The following CCDC90B variants were observed in gnomAD, a reference collection of about 807,000 sequenced individuals.
CCDC90B encodes the protein coiled-coil domain-containing protein 90B, mitochondrial.
In CCDC90B, 24 loss-of-function variants were observed where a neutral mutation model predicts 37.0. The observed-to-expected ratio is 0.65, with a 90% CI of 0.47 to 0.91. CCDC90B has a LOEUF of 0.91. Ranked by LOEUF, CCDC90B falls within the 40% of genes least tolerant of loss-of-function variation. CCDC90B has a pLI of 0.00. For missense variants in CCDC90B, 319 were observed against 299.0 expected, an observed-to-expected ratio of 1.07 and a Z score of -0.49; for synonymous variants, 113 against 101.1, an observed-to-expected ratio of 1.12 and a Z score of -0.71.
intron 1 of CCDC90B, among the ~76,000 whole-genome samples, chr11:83,284,201 CAA>C (rs1865551987): frequency 6.6e-6 from 1 of 152,106 alleles, no homozygotes; most frequent in Non-Finnish European, 1.5e-5. Context: ...GATACAAACT[CAA>C]GAGTTTAAAG....
Position 83,261,428 on chromosome 11 carries a change from G to A in CCDC90B, c.*483C>T, listed in dbSNP as rs1863920287. 1 of 152,098 alleles carries A rather than the reference G, an allele frequency of 6.6e-6. No homozygotes were observed. Among genetic ancestry groups the A allele is most frequent in the Admixed American group, 6.5e-5 (1 of 15,274 alleles). 9.4% of individuals were successfully genotyped at this position (152,098 alleles called of 1,614,324 possible). A position where few individuals can be genotyped will look rare whatever the true frequency, so the allele number is the denominator to read the frequency against. ...AAAAGAAATCAATCTCCAACTATAT[G>A]GTAAGTCACTTTGAAAACCCACACA... On this transcript the variant is annotated 3_prime_UTR_variant, in exon 9 of 9. Transcript: ENST00000529689.
At position 83,274,674 on chromosome 11, in the gene CCDC90B, T is replaced by C; in HGVS notation, c.391A>G (p.Lys131Glu). 6.2e-7 allele frequency: 1 copy of C among 1,609,852 alleles called. No individual in the cohort carries two copies. Among genetic ancestry groups the C allele is most frequent in the Non-Finnish European group, 8.5e-7 (1 of 1,177,878 alleles). Reference protein sequence around the residue: ...AIRKDMVILEKSEFANLRAEN... With the variant: ...AIRKDMVILEESEFANLRAEN... ...GCTCTCAGATTTGCAAATTCACTTT[T>C]CTCTAGGATGACCATGTCTTTCCTG... Residue 131 changes from lysine to glutamate, a missense_variant, in exon 4 of 9, where the codon AAA becomes GAA. Coordinates refer to ENST00000529689, the MANE Select transcript of CCDC90B (RefSeq NM_021825.5).
At position 83,260,433 on chromosome 11, in the gene CCDC90B, C is replaced by G. The variant is rs1429905042; in HGVS notation, c.*1478G>C. 1 of 152,152 alleles carries G rather than the reference C, an allele frequency of 6.6e-6. No homozygotes were observed. The highest frequency in any genetic ancestry group is 2.4e-5 in the African/African-American group (1 of 41,442). 9.4% of individuals were successfully genotyped at this position (152,152 alleles called of 1,614,324 possible). ...TAATCTATAATATACTAAGAACTCTCTTAGGCAATAGAGATAAAAATGAAT... is the reference window on the plus strand; with the variant it reads ...TAATCTATAATATACTAAGAACTCTGTTAGGCAATAGAGATAAAAATGAAT... On this transcript the variant is annotated 3_prime_UTR_variant, in exon 9 of 9. Transcript: ENST00000529689.
intron 3 of CCDC90B, among the ~76,000 whole-genome samples, chr11:83,275,598 A>G (rs1864977234): frequency 1.3e-5 from 2 of 152,232 alleles, no homozygotes; most frequent in Middle Eastern, 3.4e-3. Context: ...AACCTGTAGC[A>G]CTAAACTTCT....
intron 2 of CCDC90B, among the ~76,000 whole-genome samples, chr11:83,279,873 C>T (rs1384965830): frequency 2.0e-5 from 3 of 151,778 alleles, no homozygotes; most frequent in African/African-American, 7.3e-5. Context: ...TTTAGTTTAA[C>T]CTAGAAACTC....
At position 83,280,249 on chromosome 11, in the gene CCDC90B, T is replaced by C; in HGVS notation, c.112A>G (p.Thr38Ala). The C allele has an allele frequency of 1.2e-6, 2 of 1,612,816 alleles. No homozygotes were observed. The highest frequency in any genetic ancestry group is 8.5e-7 in the Non-Finnish European group (1 of 1,179,470). ...CTATCATATCCCTCCTTGGTTGTGG[T>C]AGTGAAGAACTCTGAAAGAGAAGAC... ...SPALRREFFT[T>A]TTKEGYDRRP... The change falls in exon 2 of 9, where the codon ACC becomes GCC. Residue 38 changes from threonine (T) to alanine (A), a missense_variant. Coordinates refer to ENST00000529689, the MANE Select transcript of CCDC90B (RefSeq NM_021825.5).
chr11:83,272,247 TAAAAA>T, intron 7 of CCDC90B, among the ~76,000 whole-genome samples: 1 of 152,168 alleles, frequency 6.6e-6, no homozygotes, highest in African/African-American at 2.4e-5. Flanking sequence ...CTTAAAGTAT[TAAAAA>T]AAATTTTTTT....
intron 1 of CCDC90B, among the ~76,000 whole-genome samples, chr11:83,282,823 T>A (rs1591065184): frequency 6.6e-6 from 1 of 152,220 alleles, no homozygotes; most frequent in African/African-American, 2.4e-5. Flanking sequence ...AACCCTCTCA[T>A]AATTTACACA....
At chr11:83,272,833 C>G (rs147112499) in intron 7 of CCDC90B, among the ~76,000 whole-genome samples, 1 of 152,136 alleles carries the variant, frequency 6.6e-6, no homozygotes, top group Non-Finnish European at 1.5e-5. Flanking sequence ...AGTCAGAAAG[C>G]TGGGTTTTAC....
chr11:83,279,487 T>C (rs985159853), intron 2 of CCDC90B, among the ~76,000 whole-genome samples: 4 of 152,162 alleles, frequency 2.6e-5, no homozygotes, highest in African/African-American at 7.2e-5. Context: ...ACATATACTT[T>C]TTGTTATTTA....
At position 83,273,933 on chromosome 11, in the gene CCDC90B, G is replaced by A. The variant is rs973506928; in HGVS notation, c.468+18C>T. The A allele has an allele frequency of 9.5e-6, 15 of 1,579,408 alleles. No homozygotes were observed. The highest frequency in any genetic ancestry group is 1.7e-4 in the Middle Eastern group (1 of 5,862). On this transcript the variant is annotated intron_variant, in intron 5 of 8. Coordinates refer to ENST00000529689, the MANE Select transcript of CCDC90B (RefSeq NM_021825.5). ...ATATTTGTTCTGAAATTAACAGCTA[G>A]AAAAAAAATTCACTTACCATTAGTT...
chr11:83,268,554 C>G (rs1864441192), intron 7 of CCDC90B, among the ~76,000 whole-genome samples: 1 of 152,120 alleles, frequency 6.6e-6, no homozygotes, highest in African/African-American at 2.4e-5. Context: ...ACAAGAAGAG[C>G]TAATTATCCT....
At chr11:83,276,328 C>A (rs1418084749) in intron 3 of CCDC90B, among the ~76,000 whole-genome samples, 4 of 152,126 alleles carry the variant, frequency 2.6e-5, no homozygotes, top group African/African-American at 7.2e-5. Flanking sequence ...CTTGTGGTGT[C>A]TGAACCTGAA....
intron 1 of CCDC90B, among the ~76,000 whole-genome samples, chr11:83,281,086 G>A (rs1865356242): frequency 6.6e-6 from 1 of 152,126 alleles, no homozygotes; most frequent in African/African-American, 2.4e-5. Context: ...CAACTTTTGG[G>A]AAGGTGAAGG....
intron 1 of CCDC90B, chr11:83,285,127 C>G (rs1865603909): frequency 1.6e-6 from 2 of 1,255,944 alleles, no homozygotes; most frequent in Admixed American, 2.9e-5. Context: ...CTCAGCGTAC[C>G]TGGCACTGAA....
intron 7 of CCDC90B, among the ~76,000 whole-genome samples, chr11:83,268,603 T>G (rs938144479): frequency 6.6e-6 from 1 of 152,262 alleles, no homozygotes; most frequent in Admixed American, 6.5e-5. Flanking sequence ...GCCAAATTCA[T>G]AAAGCAAGTC....
At position 83,280,838 on chromosome 11, in the gene CCDC90B, A is replaced by C. The variant is rs559755153; in HGVS notation, c.101-578T>G. ...CTACTGTATCTTTAGCACGTAGAAC[A>C]GTGCTTTGGCACATAGTTGGGCCAC... is the stretch of plus-strand genomic sequence containing the variant. On this transcript the variant is annotated intron_variant, in intron 1 of 8. Transcript: ENST00000529689. 2.0e-5 allele frequency among the ~76,000 whole-genome samples: 3 copies of C among 152,354 alleles called. No homozygotes were observed. The East Asian group carries it at 5.8e-4, about 29-fold the overall frequency.
At chr11:83,285,528 C>G (rs1865628940) in intron 1 of CCDC90B, 1 of 1,163,016 alleles carries the variant, frequency 8.6e-7, no homozygotes, top group Non-Finnish European at 1.1e-6. Context: ...CAAAAGAAAA[C>G]AGGACACCCT....
chr11:83,282,816 C>G (rs771333175), intron 1 of CCDC90B, among the ~76,000 whole-genome samples: 9 of 152,116 alleles, frequency 5.9e-5, no homozygotes, highest in Non-Finnish European at 1.2e-4. Context: ...TTTTGCAAAC[C>G]CTCTCATAAT....
Sources: allele counts gnomAD v4.1 joint callset (sites outside exome capture counted in the v4.1 genomes callset), GRCh38; gene constraint gnomAD v4.1.1; transcripts MANE v1.5; gene names NCBI Gene and HGNC (gene_info 2026-07-23, HGNC 2026-07-21).